The following MEGF11 variants were observed in gnomAD, a reference collection of about 807,000 sequenced individuals.
MEGF11 encodes the protein multiple epidermal growth factor-like domains protein 11.
In MEGF11, 126 loss-of-function variants were observed where a neutral mutation model predicts 146.6. The ratio of observed to expected loss-of-function variants is 0.86; its 90% CI spans 0.74 to 1.00. The LOEUF (loss-of-function observed/expected upper bound fraction) is 1.00. MEGF11 is among the 50% of genes least tolerant of loss of function. The pLI is 0.00. For missense variants in MEGF11, 1,509 were observed against 1,521.2 expected (o/e 0.99, Z 0.13); for synonymous variants, 532 against 583.4 (o/e 0.91, Z 1.27).
chr15:66,091,731 T>C (rs1426972785), intron 5 of MEGF11, among the ~76,000 whole-genome samples: 1 of 152,254 alleles, frequency 6.6e-6, no homozygotes, highest in African/African-American at 2.4e-5. Flanking sequence ...ATCTCCACTA[T>C]CATTTTTCCA....
chr15:66,000,588 A>G (rs1331798048), intron 5 of MEGF11, among the ~76,000 whole-genome samples: 1 of 151,854 alleles, frequency 6.6e-6, no homozygotes, highest in African/African-American at 2.4e-5. Flanking sequence ...TTTGTTCCCC[A>G]CTGTATACAC....
chr15:66,251,069 C>T (rs1431914328), intron 1 of MEGF11, among the ~76,000 whole-genome samples: 3 of 152,190 alleles, frequency 2.0e-5, no homozygotes, highest in Non-Finnish European at 4.4e-5. Flanking sequence ...GATTGCTCAC[C>T]CTAAGTCTAG....
chr15:66,050,637 A>G (rs539412135), intron 5 of MEGF11, among the ~76,000 whole-genome samples: 2 of 152,306 alleles, frequency 1.3e-5, no homozygotes, highest in Admixed American at 6.5e-5. Context: ...TGACCTGACC[A>G]ATGTTTTAAA....
intron 5 of MEGF11, among the ~76,000 whole-genome samples, chr15:65,990,471 G>A (rs1484579549): frequency 6.6e-6 from 1 of 151,856 alleles, no homozygotes; most frequent in Non-Finnish European, 1.5e-5. Context: ...GAATTGCTTG[G>A]GCCTGAGAGG....
intron 1 of MEGF11, among the ~76,000 whole-genome samples, chr15:66,214,623 T>C (rs551715710): frequency 5.5e-4 from 84 of 152,316 alleles, no homozygotes; most frequent in African/African-American, 1.9e-3. Context: ...GTAGGATCCA[T>C]TGCTGCCAAG....
intron 10 of MEGF11, among the ~76,000 whole-genome samples, chr15:65,954,963 A>G (rs929150328): frequency 7.2e-5 from 11 of 152,162 alleles, no homozygotes; most frequent in African/African-American, 2.4e-4. Context: ...ATGTATACAC[A>G]TACCTTCTTG....
chr15:65,898,170 A>G, intron 25 of MEGF11, 76 bp from the exon 26 acceptor site: 2 of 1,507,040 alleles, frequency 1.3e-6, no homozygotes, highest in South Asian at 1.3e-5. Flanking sequence ...AGAGAGTTCT[A>G]CTTAACTTGG....
At chr15:65,918,564 C>T (rs1344037255) in intron 15 of MEGF11, among the ~76,000 whole-genome samples, 1 of 152,252 alleles carries the variant, frequency 6.6e-6, no homozygotes, top group African/African-American at 2.4e-5. Context: ...GCAGGCCTGC[C>T]TGCGGTTTGA....
intron 1 of MEGF11, among the ~76,000 whole-genome samples, chr15:66,131,788 A>G (rs1333643058): frequency 1.3e-5 from 2 of 152,212 alleles, no homozygotes; most frequent in African/African-American, 2.4e-5. Flanking sequence ...CTCTGAGAAG[A>G]CCCAAAATAA....
rs566391325 is a variant in MEGF11 at position 66,099,475 on chromosome 15, G to A, written c.302-4981C>T. Among the ~76,000 whole-genome samples the A allele has an allele frequency of 2.0e-3, 298 of 152,174 alleles. 3 individuals carry two copies. Among genetic ancestry groups the A allele is most frequent in the South Asian group, 7.3e-3 (35 of 4,812 alleles). Reference sequence around the variant, plus strand: ...GCCGGGATTATAGGTGTGAGCCACCGCCCATCCTGCCACTCTCCTTTAATT... The same window carrying A: ...GCCGGGATTATAGGTGTGAGCCACCACCCATCCTGCCACTCTCCTTTAATT... On this transcript the variant is annotated intron_variant, in intron 4 of 25. Coordinates refer to ENST00000395614, the MANE Select transcript of MEGF11 (RefSeq NM_001385028.1).
intron 18 of MEGF11, 64 bp downstream of exon 18, chr15:65,916,084 C>G (rs11632730): frequency 0.17 from 256,747 of 1,491,584 alleles, 24,259 homozygotes; most frequent in Non-Finnish European, 0.2. Context: ...GAAGTGGGAG[C>G]CATCCTCTGC....
intron 1 of MEGF11, among the ~76,000 whole-genome samples, chr15:66,188,263 G>T (rs2090766606): frequency 6.6e-6 from 1 of 151,964 alleles, no homozygotes; most frequent in African/African-American, 2.4e-5. Flanking sequence ...GAAGGGTAAA[G>T]AATATAAATT....
chr15:65,958,723 A>C (rs2080750262), intron 9 of MEGF11, among the ~76,000 whole-genome samples: 1 of 152,108 alleles, frequency 6.6e-6, no homozygotes, highest in Non-Finnish European at 1.5e-5. Context: ...CCTTCCTTAC[A>C]TGTGATCTGT....
chr15:66,086,222 C>T (rs1030421050), intron 5 of MEGF11, among the ~76,000 whole-genome samples: 1 of 152,226 alleles, frequency 6.6e-6, no homozygotes, highest in East Asian at 1.9e-4. Flanking sequence ...ATTCTAAAAG[C>T]CTGGAAAATA....
At chr15:66,165,662 C>A (rs1364882617) in intron 1 of MEGF11, among the ~76,000 whole-genome samples, 1 of 152,142 alleles carries the variant, frequency 6.6e-6, no homozygotes, top group Non-Finnish European at 1.5e-5. Flanking sequence ...TATTTCCTAC[C>A]TTTTTTCCTC....
chr15:66,117,740 T>C (rs534994424), intron 4 of MEGF11, among the ~76,000 whole-genome samples: 33 of 152,208 alleles, frequency 2.2e-4, no homozygotes, highest in Non-Finnish European at 3.5e-4. Context: ...ATCTCACATC[T>C]ACACCTGGGT....
intron 1 of MEGF11, among the ~76,000 whole-genome samples, chr15:66,215,254 G>A (rs1392471188): frequency 2.0e-5 from 3 of 151,938 alleles, no homozygotes; most frequent in Non-Finnish European, 2.9e-5. Context: ...TGGTCTCTTA[G>A]ACCTGAGCTT....
intron 2 of MEGF11, 66 bp from the exon 3 acceptor site, chr15:66,124,066 G>T: frequency 7.5e-7 from 1 of 1,335,642 alleles, no homozygotes; most frequent in Non-Finnish European, 1.1e-6. Flanking sequence ...TATTCCGCAG[G>T]GCATCTGAGC....
rs566032117 is a variant in MEGF11, at chr15:66,143,428, A to G, written c.-8-15017T>C. Among the ~76,000 whole-genome samples the G allele has an allele frequency of 4.6e-4, 70 of 151,762 alleles. No homozygotes were observed. The South Asian group carries it at 0.014, about 31-fold the overall frequency. On this transcript the variant is annotated intron_variant, in intron 1 of 25. Coordinates refer to ENST00000395614, the MANE Select transcript of MEGF11 (RefSeq NM_001385028.1). Reference sequence around the variant, plus strand: ...CCGGAATCCACCAGCCCCTCAGTCTACTCCCTGTCCAGCCCATTCACCAAG... The same window carrying G: ...CCGGAATCCACCAGCCCCTCAGTCTGCTCCCTGTCCAGCCCATTCACCAAG...
Sources: allele counts gnomAD v4.1 joint callset (sites outside exome capture counted in the v4.1 genomes callset), GRCh38; gene constraint gnomAD v4.1.1; transcripts MANE v1.5; gene names NCBI Gene and HGNC (gene_info 2026-07-23, HGNC 2026-07-21).